The following PTER variants were observed in gnomAD, a reference collection of about 807,000 sequenced individuals.
PTER encodes N-acetyltaurine hydrolase.
In PTER, 38 loss-of-function variants were observed where a neutral mutation model predicts 29.6. The observed-to-expected ratio is 1.28, with a 90% CI of 0.99 to 1.68. PTER has a LOEUF of 1.68. PTER is among the 40% of genes most tolerant of loss of function. The probability of loss-of-function intolerance (pLI) is 0.00; values close to 1 mark genes in which losing one functional copy is unlikely to be tolerated. For missense variants in PTER, 482 were observed against 427.8 expected (o/e 1.13, Z -1.12); for synonymous variants, 172 against 154.5 (o/e 1.11, Z -0.84).
intron 3 of PTER, among the ~76,000 whole-genome samples, chr10:16,499,379 A>T (rs1258997537): frequency 1.3e-5 from 2 of 151,506 alleles, no homozygotes; most frequent in Non-Finnish European, 2.9e-5. Flanking sequence ...CTTTGTCAAT[A>T]AGAAGAATTT....
At chr10:16,443,396 A>G (rs1833911530) in intron 1 of PTER, among the ~76,000 whole-genome samples, 1 of 152,232 alleles carries the variant, frequency 6.6e-6, no homozygotes, top group South Asian at 2.1e-4. Flanking sequence ...GCAACAGACA[A>G]ATTTTGCAGG....
intron 3 of PTER, among the ~76,000 whole-genome samples, chr10:16,499,928 G>T (rs1019799387): frequency 6.6e-6 from 1 of 151,634 alleles, no homozygotes; most frequent in Non-Finnish European, 1.5e-5. Context: ...TGTTATAGAG[G>T]CAGGGTCTCT....
At chr10:16,477,258 CGATAGATA>C (rs56294482) in intron 1 of PTER, among the ~76,000 whole-genome samples, 36,973 of 147,830 alleles carry the variant, frequency 0.25, 5,443 homozygotes, top group Non-Finnish European at 0.33. Flanking sequence ...TTCTGTCTTT[CGATAGATA>C]GATAGATAGA....
At chr10:16,481,097 T>A (rs1207233116) in intron 1 of PTER, among the ~76,000 whole-genome samples, 2 of 152,226 alleles carry the variant, frequency 1.3e-5, no homozygotes, top group Admixed American at 1.3e-4. Flanking sequence ...TTGCAGTCTA[T>A]CCTCAGTCCT....
At chr10:16,445,698 G>T (rs1203798972) in intron 1 of PTER, among the ~76,000 whole-genome samples, 1 of 152,174 alleles carries the variant, frequency 6.6e-6, no homozygotes, top group Non-Finnish European at 1.5e-5. Context: ...TGTCTCCGAT[G>T]CACTGATGCA....
chr10:16,444,384 G>A (rs1434193557), intron 1 of PTER, among the ~76,000 whole-genome samples: 2 of 151,648 alleles, frequency 1.3e-5, no homozygotes, highest in Non-Finnish European at 2.9e-5. Context: ...GGGCTAAAGC[G>A]ATCCTCCTGA....
At chr10:16,464,906 G>A (rs1834752682) in intron 1 of PTER, among the ~76,000 whole-genome samples, 1 of 152,174 alleles carries the variant, frequency 6.6e-6, no homozygotes, top group South Asian at 2.1e-4. Flanking sequence ...CACAATCATG[G>A]TGGGAAGGGA....
chr10:16,484,888 G>A, intron 2 of PTER, 72 bp downstream of exon 2: 1 of 1,460,006 alleles, frequency 6.8e-7, no homozygotes, highest in South Asian at 1.5e-5. Context: ...AAATGCCCTG[G>A]GTTCAGAGGT....
At chr10:16,498,775 T>C (rs907840589) in intron 3 of PTER, among the ~76,000 whole-genome samples, 4 of 152,208 alleles carry the variant, frequency 2.6e-5, no homozygotes, top group African/African-American at 9.6e-5. Context: ...CATGGTAATA[T>C]ACTGACATTA....
chr10:16,460,978 A>G (rs1226366879), intron 1 of PTER, among the ~76,000 whole-genome samples: 1 of 152,124 alleles, frequency 6.6e-6, no homozygotes, highest in Non-Finnish European at 1.5e-5. Context: ...CAGCCTCCCA[A>G]AGTGCTGGGA....
intron 1 of PTER, among the ~76,000 whole-genome samples, chr10:16,479,972 G>T (rs1193570088): frequency 4.1e-5 from 6 of 145,802 alleles, no homozygotes; most frequent in African/African-American, 1.2e-4. Context: ...AATAATTCTG[G>T]TTTTTACCAT....
At chr10:16,515,073 A>G (rs1255455488), downstream of PTER, among the ~76,000 whole-genome samples, 1 of 152,078 alleles carries the variant, frequency 6.6e-6, no homozygotes, top group Non-Finnish European at 1.5e-5. Context: ...TTTGCATTTT[A>G]ATTTAAGCCA....
downstream of PTER, among the ~76,000 whole-genome samples, chr10:16,516,296 T>C (rs1272129630): frequency 6.6e-6 from 1 of 152,182 alleles, no homozygotes; most frequent in Non-Finnish European, 1.5e-5. Context: ...AATGACGCAG[T>C]TTGACTTCAT....
intron 1 of PTER, among the ~76,000 whole-genome samples, chr10:16,459,049 C>G (rs73593488): frequency 0.015 from 2,231 of 152,170 alleles, 44 homozygotes; most frequent in African/African-American, 0.049. Context: ...AAATTCTACC[C>G]CCAGAGATGA....
At chr10:16,453,396 G>A (rs1026991504) in intron 1 of PTER, among the ~76,000 whole-genome samples, 2 of 152,114 alleles carry the variant, frequency 1.3e-5, no homozygotes, top group South Asian at 4.1e-4. Context: ...TATATGCCTA[G>A]ATAGTGGATT....
intron 1 of PTER, among the ~76,000 whole-genome samples, chr10:16,480,207 T>TC (rs397967097): frequency 1.3e-5 from 2 of 149,522 alleles, no homozygotes; most frequent in African/African-American, 4.9e-5. Context: ...TTTTTTTTTT[T>TC]GAGATAGAGT....
chr10:16,441,581 C>T (rs1368617166), intron 1 of PTER, among the ~76,000 whole-genome samples: 2 of 152,190 alleles, frequency 1.3e-5, no homozygotes, highest in Non-Finnish European at 2.9e-5. Context: ...TTAGGGGACA[C>T]TGGCTATAAA....
chr10:16,487,135 G>C (rs1181155619), intron 3 of PTER, among the ~76,000 whole-genome samples: 1 of 152,200 alleles, frequency 6.6e-6, no homozygotes, highest in East Asian at 1.9e-4. Flanking sequence ...AAAAATAATA[G>C]TAATAAGTAT....
intron 1 of PTER, among the ~76,000 whole-genome samples, chr10:16,443,247 T>C (rs926838364): frequency 7.2e-5 from 11 of 152,220 alleles, no homozygotes; most frequent in Non-Finnish European, 1.5e-4. Context: ...CTTTTATGCA[T>C]GTCTGGGTAT....
Sources: allele counts gnomAD v4.1 joint callset (sites outside exome capture counted in the v4.1 genomes callset), GRCh38; gene constraint gnomAD v4.1.1; transcripts MANE v1.5; gene names NCBI Gene and HGNC (gene_info 2026-07-23, HGNC 2026-07-21).